NOL4L: variants seen among roughly 807,000 people sequenced by gnomAD.
NOL4L encodes the protein nucleolar protein 4-like.
In NOL4L, 7 loss-of-function variants were observed where a neutral mutation model predicts 64.5. The ratio of observed to expected loss-of-function variants is 0.11; its 90% CI spans 0.06 to 0.20. The LOEUF (loss-of-function observed/expected upper bound fraction) is 0.20, where lower values mean the gene tolerates loss of function less well. Ranked by LOEUF, NOL4L falls within the 10% of genes least tolerant of loss-of-function variation. NOL4L has a pLI of 1.00. For synonymous variants in NOL4L, 413 were observed against 401.0 expected, an observed-to-expected ratio of 1.03 and a Z score of -0.36; for missense variants, 680 against 967.1, an observed-to-expected ratio of 0.70 and a Z score of 3.94.
chr20:32,582,331 G>A (rs1037632964), intron 1 of NOL4L, among the ~76,000 whole-genome samples: 2 of 152,126 alleles, frequency 1.3e-5, no homozygotes, highest in African/African-American at 4.8e-5. Context: ...GGTGGAGACT[G>A]GGGACGGTCG....
intron 1 of NOL4L, among the ~76,000 whole-genome samples, chr20:32,573,043 T>C (rs908364493): frequency 3.3e-5 from 5 of 149,878 alleles, no homozygotes; most frequent in African/African-American, 4.9e-5. Context: ...CCTTTTCTTT[T>C]TTTTTTTTTT....
At chr20:32,461,249 G>A (rs566659018) in intron 5 of NOL4L, among the ~76,000 whole-genome samples, 3 of 151,838 alleles carry the variant, frequency 2.0e-5, no homozygotes, top group African/African-American at 4.8e-5. Context: ...TCACCCACCC[G>A]CCCCAGCTGT....
At chr20:32,469,979 G>C (rs921569777) in intron 5 of NOL4L, among the ~76,000 whole-genome samples, 2 of 152,242 alleles carry the variant, frequency 1.3e-5, no homozygotes, top group African/African-American at 4.8e-5. Context: ...CGTGTGTCCC[G>C]AGGCCCAGGT....
At chr20:32,528,355 C>T (rs552004093) in intron 1 of NOL4L, among the ~76,000 whole-genome samples, 1 of 152,332 alleles carries the variant, frequency 6.6e-6, no homozygotes, top group South Asian at 2.1e-4. Context: ...CCCGGGGGAA[C>T]AGCTCCGATC....
At chr20:32,517,902 C>T (rs910360903) in intron 3 of NOL4L, among the ~76,000 whole-genome samples, 1 of 152,226 alleles carries the variant, frequency 6.6e-6, no homozygotes, top group Non-Finnish European at 1.5e-5. Flanking sequence ...ACTTCTATCT[C>T]CTGGGAGAGC....
chr20:32,483,137 C>T (rs1231121848), intron 4 of NOL4L, among the ~76,000 whole-genome samples: 23 of 145,556 alleles, frequency 1.6e-4, no homozygotes, highest in Non-Finnish European at 2.9e-4. Context: ...CACTCACCCG[C>T]CCCCCGCCCC....
At chr20:32,579,798 G>A (rs1034212719) in intron 1 of NOL4L, among the ~76,000 whole-genome samples, 3 of 152,070 alleles carry the variant, frequency 2.0e-5, no homozygotes, top group East Asian at 3.9e-4. Flanking sequence ...AAAAACGCAC[G>A]CTCTGCCACT....
chr20:32,484,307 G>T (rs1600727289), intron 4 of NOL4L, among the ~76,000 whole-genome samples: 1 of 151,764 alleles, frequency 6.6e-6, no homozygotes, highest in African/African-American at 2.4e-5. Context: ...GCTCTCGGCC[G>T]TACCCCCGCC....
intron 1 of NOL4L, among the ~76,000 whole-genome samples, chr20:32,539,036 G>T (rs2018608585): frequency 6.6e-6 from 1 of 152,042 alleles, no homozygotes. Context: ...GGTGGGGTGG[G>T]GTGGGGGGCG....
At chr20:32,548,389 T>A (rs1485106854) in intron 1 of NOL4L, 1 of 152,760 alleles carries the variant, frequency 6.5e-6, no homozygotes, top group Non-Finnish European at 1.5e-5. Context: ...CCTGCTGAAT[T>A]TGCATTTTTC....
At chr20:32,524,843 A>C (rs952162715) in intron 2 of NOL4L, among the ~76,000 whole-genome samples, 1 of 152,132 alleles carries the variant, frequency 6.6e-6, no homozygotes, top group Non-Finnish European at 1.5e-5. Flanking sequence ...CCCTGCCCCC[A>C]AAAAAGGAAA....
intron 1 of NOL4L, among the ~76,000 whole-genome samples, chr20:32,583,366 C>A (rs1351082058): frequency 6.6e-6 from 1 of 150,456 alleles, no homozygotes. Context: ...CTTTTCGTAA[C>A]GACCGAATCA....
chr20:32,536,472 T>C (rs2018528142), intron 1 of NOL4L: 3 of 137,334 alleles, frequency 2.2e-5, no homozygotes, highest in South Asian at 5.4e-4. Context: ...CGCTGACAGC[T>C]GCTCGGGCGG....
At chr20:32,483,123 G>T (rs1260100458) in intron 4 of NOL4L, among the ~76,000 whole-genome samples, 1 of 143,452 alleles carries the variant, frequency 7.0e-6, no homozygotes, top group Admixed American at 6.8e-5. Context: ...TCCACTCTCG[G>T]GCACACTCAC....
rs143119481 is a variant in NOL4L at position 32,523,165 on chromosome 20, G to A, written c.478-2243C>T. On this transcript the variant is annotated intron_variant, in intron 2 of 10. Coordinates refer to ENST00000621426, the MANE Select transcript of NOL4L (RefSeq NM_001256798.2). ...GCTGGCTGGCGTGCCACAGGGAGGG[G>A]AGTGCTGAGCACACACCTTCTGGCC... is the stretch of plus-strand genomic sequence containing the variant. Among the ~76,000 whole-genome samples the A allele has an allele frequency of 4.3e-3, 648 of 152,294 alleles. 7 individuals are homozygous for A. Among genetic ancestry groups the A allele is most frequent in the African/African-American group, 0.014 (572 of 41,568 alleles).
At chr20:32,559,416 G>A (rs1402806629) in intron 1 of NOL4L, among the ~76,000 whole-genome samples, 1 of 152,236 alleles carries the variant, frequency 6.6e-6, no homozygotes. Flanking sequence ...CTTCAGGTCA[G>A]AGTCTAACAC....
intron 1 of NOL4L, among the ~76,000 whole-genome samples, chr20:32,551,786 GTATT>G (rs1470697713): frequency 1.3e-5 from 2 of 151,918 alleles, no homozygotes; most frequent in Non-Finnish European, 2.9e-5. Flanking sequence ...TCACTTAACT[GTATT>G]TATTATTTTT....
At chr20:32,573,023 AC>A (rs1201976369) in intron 1 of NOL4L, among the ~76,000 whole-genome samples, 4 of 149,136 alleles carry the variant, frequency 2.7e-5, no homozygotes, top group Non-Finnish European at 5.9e-5. Context: ...GATAGGTCAT[AC>A]TATCGCATCC....
chr20:32,473,932 C>A (rs372391036), intron 5 of NOL4L, among the ~76,000 whole-genome samples: 2 of 152,230 alleles, frequency 1.3e-5, no homozygotes, highest in African/African-American at 2.4e-5. Context: ...GGTCCCAGAG[C>A]CCAACCACTT....
Sources: gnomAD v4.1 joint callset for allele counts (sites outside exome capture counted in the v4.1 genomes callset) on GRCh38, gnomAD v4.1.1 for gene constraint, MANE v1.5 for transcripts, NCBI Gene and HGNC (gene_info 2026-07-23, HGNC 2026-07-21) for gene names.